The following MTCH1 variants were observed in gnomAD, a reference collection of about 807,000 sequenced individuals.
MTCH1 encodes the protein mitochondrial carrier 1.
Under a neutral mutation model 49.3 loss-of-function variants are expected in MTCH1, and 23 were observed. That is an observed-to-expected ratio of 0.47 (90% CI 0.34 to 0.66). MTCH1 has a LOEUF of 0.66. Ranked by LOEUF, MTCH1 falls within the 30% of genes least tolerant of loss-of-function variation. The pLI, the probability that MTCH1 is intolerant of heterozygous loss-of-function variation, is 0.01. For missense variants in MTCH1, 397 were observed against 532.1 expected (o/e 0.75, Z 2.50); for synonymous variants, 229 against 215.2 (o/e 1.06, Z -0.56).
Position 36,972,987 on chromosome 6 carries a change from G to A in MTCH1, c.762-191C>T, listed in dbSNP as rs1207626392. 6.6e-6 allele frequency among the ~76,000 whole-genome samples: 1 copy of A among 152,102 alleles called. No homozygotes were observed. Among genetic ancestry groups the A allele is most frequent in the Non-Finnish European group, 1.5e-5 (1 of 68,040 alleles). ...GGAAGATAGTGCTCCTTTTCCCATG[G>A]GGAGGTGTTCTATGCCGCTTTGGAT... On this transcript the variant is annotated intron_variant, in intron 7 of 11. Transcript: ENST00000373627. The surrounding 1 kb of genome is among the most constrained non-coding windows in gnomAD (Gnocchi z 4.1).
Position 36,970,428 on chromosome 6 carries a change from GGTCGCCAACTAGCAGGAA to G in MTCH1, c.982_999del (p.Phe328_Asp333del). On this transcript the variant is annotated inframe_deletion, in exon 10 of 12. Coordinates refer to ENST00000373627, the MANE Select transcript of MTCH1 (RefSeq NM_001271641.2). ...TACCCGCAGTTGTTCACAGCCATGA[GGTCGCCAACTAGCAGGAA>G]GGGGTAGGTCAGCATGCTCACTGCA... 6.2e-7 allele frequency: 1 copy of G among 1,614,138 alleles called. No individual in the cohort carries two copies. The highest frequency in any genetic ancestry group is 8.5e-7 in the Non-Finnish European group (1 of 1,180,024).
chr6:36,980,345 A>G (rs1184354386), intron 2 of MTCH1, among the ~76,000 whole-genome samples: 1 of 152,236 alleles, frequency 6.6e-6, no homozygotes, highest in Non-Finnish European at 1.5e-5. Flanking sequence ...CTCAGAACAC[A>G]GCACGTGCAA....
chr6:36,976,054 C>T (rs922212336), intron 6 of MTCH1, among the ~76,000 whole-genome samples: 4 of 152,158 alleles, frequency 2.6e-5, no homozygotes, highest in African/African-American at 9.7e-5. Context: ...TTCTCTTACC[C>T]GGCCCTCACA....
rs73422787 is a variant in MTCH1, at chr6:36,982,548, C to T, written c.322-876G>A. ...GAATACAAGCACCCGCCACCATACCCGGCAAATTTTTTGTATTTTTAGTAG... is the reference window on the plus strand; with the variant it reads ...GAATACAAGCACCCGCCACCATACCTGGCAAATTTTTTGTATTTTTAGTAG... On this transcript the variant is annotated intron_variant, in intron 1 of 11. Coordinates refer to ENST00000373627, the MANE Select transcript of MTCH1 (RefSeq NM_001271641.2). This position sits in a 1 kb window ranked among gnomAD's most constrained non-coding sequence, Gnocchi z 4.1. Among the ~76,000 whole-genome samples, 9 of 152,208 alleles carry T rather than the reference C, an allele frequency of 5.9e-5. No homozygotes were observed. Among genetic ancestry groups the T allele is most frequent in the East Asian group, 1.9e-4 (1 of 5,176 alleles).
rs907492997 is a variant in MTCH1, at chr6:36,977,832, C to G, written c.592-141G>C. 12 of 822,350 alleles carry G rather than the reference C, an allele frequency of 1.5e-5. No homozygotes were observed. Among genetic ancestry groups the G allele is most frequent in the Non-Finnish European group, 2.3e-5 (12 of 512,426 alleles). The allele number at this position is 822,350 out of a possible 1,614,324, so 50.9% of individuals were successfully genotyped here. A position where few individuals can be genotyped will look rare whatever the true frequency, so the allele number is the denominator to read the frequency against. ...GGTCGGTCTGCCAAGGATGGCTCCA[C>G]CTGTTGCCCACTCCCCAGTCCCCCA... On this transcript the variant is annotated intron_variant, in intron 4 of 11. Coordinates refer to ENST00000373627, the MANE Select transcript of MTCH1 (RefSeq NM_001271641.2). The surrounding 1 kb of genome is among the most constrained non-coding windows in gnomAD (Gnocchi z 5.4).
intron 2 of MTCH1, among the ~76,000 whole-genome samples, chr6:36,981,200 C>T (rs1193261791): frequency 6.6e-6 from 1 of 152,170 alleles, no homozygotes; most frequent in Non-Finnish European, 1.5e-5. Flanking sequence ...ACCCCCCGGG[C>T]CTCCTGCTGG....
Position 36,986,195 on chromosome 6 carries a change from TC to T in MTCH1, c.-23del, listed in dbSNP as rs573575577. The T allele has an allele frequency of 3.4e-3, 4,820 of 1,414,052 alleles. 11 individuals are homozygous for T. Among genetic ancestry groups the T allele is most frequent in the Non-Finnish European group, 4.1e-3 (4,523 of 1,092,424 alleles). 87.6% of individuals were successfully genotyped at this position (1,414,052 alleles called of 1,614,324 possible). A position where few individuals can be genotyped will look rare whatever the true frequency, so the allele number is the denominator to read the frequency against. ...CCATGGCGCCCGGCGGCGAGGTCAC[TC>T]CCCGTCACGTGACGGGGCCACGCCC... On this transcript the variant is annotated 5_prime_UTR_variant, in exon 1 of 12. Transcript: ENST00000373627.
At position 36,982,266 on chromosome 6, in the gene MTCH1, C is replaced by G. The variant is rs1055194950; in HGVS notation, c.322-594G>C. Among the ~76,000 whole-genome samples, 7 of 152,320 alleles carry G rather than the reference C, an allele frequency of 4.6e-5. No individual in the cohort carries two copies. The highest frequency in any genetic ancestry group is 6.8e-3 in the Middle Eastern group (2 of 294). On this transcript the variant is annotated intron_variant, in intron 1 of 11. Transcript: ENST00000373627. This position sits in a 1 kb window ranked among gnomAD's most constrained non-coding sequence, Gnocchi z 4.1. ...AGCTACTCCTCAAACATATCCTTAG[C>G]TGCGTTCTCACCTCAATCACCCTAC... is the stretch of plus-strand genomic sequence containing the variant.
chr6:36,968,829 T>C lies in MTCH1; in HGVS notation c.*74A>G, dbSNP rs1216410192. 1.2e-6 allele frequency: 2 copies of C among 1,606,508 alleles called. No individual in the cohort carries two copies. The highest frequency in any genetic ancestry group is 2.7e-5 in the African/African-American group (2 of 74,864). ...TGGTTGTTGTTGGGTTGGAGTCGTC[T>C]TGCAGGTGTCCCAAGGTGGTCAGGC... is the stretch of plus-strand genomic sequence containing the variant. On this transcript the variant is annotated 3_prime_UTR_variant, in exon 12 of 12. Coordinates refer to ENST00000373627, the MANE Select transcript of MTCH1 (RefSeq NM_001271641.2).
At position 36,970,662 on chromosome 6, in the gene MTCH1, G is replaced by A; in HGVS notation, c.939C>T (p.Thr313=). ...FSQALAIRSY[T]KFVMGIAVSM... Reference sequence around the variant, plus strand: ...CACAACTTACCCCCATCACGAACTTGGTATAGCTCCGGATGGCCAGGGCCT... The same window carrying A: ...CACAACTTACCCCCATCACGAACTTAGTATAGCTCCGGATGGCCAGGGCCT... The change falls in exon 9 of 12, where the codon ACC becomes ACT. Residue 313 remains threonine (T), a synonymous_variant. Coordinates refer to ENST00000373627, the MANE Select transcript of MTCH1 (RefSeq NM_001271641.2). 1 of 1,614,184 alleles carries A rather than the reference G, an allele frequency of 6.2e-7. No homozygotes were observed. Among genetic ancestry groups the A allele is most frequent in the Non-Finnish European group, 8.5e-7 (1 of 1,180,040 alleles).
chr6:36,972,752 C>A lies in MTCH1; in HGVS notation c.806G>T (p.Gly269Val). ...HLLGDVVFLW[G>V]CNLLAHFINA... ...GATGAAGTGGGCCAGCAGGTTACAG[C>A]CCCACAAGAAAACCACATCGCCCAG... is the stretch of plus-strand genomic sequence containing the variant. The change falls in exon 8 of 12, where the codon GGC becomes GTC. Residue 269 changes from glycine to valine, a missense_variant. Gly to Val is a moderately radical substitution (Grantham distance 109). Around this residue, in one of 2 missense-constraint regions of MTCH1, gnomAD observed 252 missense variants for 388.3 expected, o/e 0.65. Coordinates refer to ENST00000373627, the MANE Select transcript of MTCH1 (RefSeq NM_001271641.2). The surrounding 1 kb of genome is among the most constrained non-coding windows in gnomAD (Gnocchi z 4.1). The A allele has an allele frequency of 6.4e-7, 1 of 1,553,616 alleles. No individual in the cohort carries two copies. Among genetic ancestry groups the A allele is most frequent in the Non-Finnish European group, 8.7e-7 (1 of 1,147,884 alleles).
chr6:36,970,147 C>T, intron 10 of MTCH1, 33 bp from the exon 11 acceptor site: 1 of 1,603,454 alleles, frequency 6.2e-7, no homozygotes, highest in Non-Finnish European at 8.5e-7. Flanking sequence ...ATGCAGAGAA[C>T]AGTGGAAGAC....
chr6:36,970,246 A>G (rs1343078689), intron 10 of MTCH1, 132 bp from the exon 11 acceptor site: 7 of 1,419,138 alleles, frequency 4.9e-6, no homozygotes, highest in Non-Finnish European at 6.8e-6. Context: ...AGTTTACCCC[A>G]GGGGGTGCTG....
Position 36,978,875 on chromosome 6 carries a change from CTTTTTTTTTT to C in MTCH1, c.407-274_407-265del, listed in dbSNP as rs11322816. On this transcript the variant is annotated intron_variant, in intron 2 of 11. Coordinates refer to ENST00000373627, the MANE Select transcript of MTCH1 (RefSeq NM_001271641.2). ...TCTTCCTTCCTTCCCTCCCTCCCTC[CTTTTTTTTTT>C]TTTTTTTTTTTTTGCTTTAAAAACT... Among the ~76,000 whole-genome samples, 23 of 100,420 alleles carry C rather than the reference CTTTTTTTTTT, an allele frequency of 2.3e-4. No individual in the cohort carries two copies. In the East Asian group the frequency reaches 5.3e-3, roughly 23 times the overall value. 65.9% of individuals were successfully genotyped at this position (100,420 alleles called of 152,430 possible).
At position 36,985,844 on chromosome 6, in the gene MTCH1, G is replaced by C; in HGVS notation, c.321+9C>G. 6.4e-7 allele frequency: 1 copy of C among 1,553,044 alleles called. No homozygotes were observed. The highest frequency in any genetic ancestry group is 8.7e-7 in the Non-Finnish European group (1 of 1,148,316). ...CTCCCATCTCCCTACGGCGCCTCTG[G>C]TCCCCCACCTGGATGAGCAGCTTCA... is the stretch of plus-strand genomic sequence containing the variant. On this transcript the variant is annotated intron_variant, in intron 1 of 11. Transcript: ENST00000373627.
chr6:36,977,612 CG>C lies in MTCH1; in HGVS notation c.649+21del. On this transcript the variant is annotated intron_variant, in intron 5 of 11. Transcript: ENST00000373627. This position sits in a 1 kb window ranked among gnomAD's most constrained non-coding sequence, Gnocchi z 5.4. ...CCCGACGCCAGCTTAGATACAGTCT[CG>C]GGGGAAGGGGGGTGGCTTACCATGC... The C allele has an allele frequency of 1.3e-6, 2 of 1,559,860 alleles. No homozygotes were observed. The highest frequency in any genetic ancestry group is 1.8e-6 in the Non-Finnish European group (2 of 1,136,600).
chr6:36,972,003 T>C lies in MTCH1; in HGVS notation c.906+649A>G, dbSNP rs781725968. 1.3e-5 allele frequency among the ~76,000 whole-genome samples: 2 copies of C among 152,188 alleles called. No individual in the cohort carries two copies. Among genetic ancestry groups the C allele is most frequent in the Admixed American group, 6.5e-5 (1 of 15,286 alleles). On this transcript the variant is annotated intron_variant, in intron 8 of 11. Transcript: ENST00000373627. The surrounding 1 kb of genome is among the most constrained non-coding windows in gnomAD (Gnocchi z 4.1). ...CTGACCCGACCTGCTGAAAGGTCTA[T>C]GTATACTAGGCTGTGTAGACCACAG...
intron 8 of MTCH1, 129 bp from the exon 9 acceptor site, chr6:36,970,823 G>T: frequency 1.9e-6 from 2 of 1,055,786 alleles, no homozygotes; most frequent in Non-Finnish European, 2.8e-6. Context: ...TTTCCTGTCA[G>T]CCCTCACAGT....
intron 2 of MTCH1, among the ~76,000 whole-genome samples, chr6:36,981,268 G>C (rs1561910926): frequency 6.6e-6 from 1 of 152,178 alleles, no homozygotes; most frequent in Non-Finnish European, 1.5e-5. Flanking sequence ...GCATGTTCCA[G>C]GCACAACCCG....
Sources: gnomAD v4.1 joint callset for allele counts (sites outside exome capture counted in the v4.1 genomes callset) on GRCh38, gnomAD v4.1.1 for gene constraint, gnomAD v4.1.1 regional missense constraint, Gnocchi (gnomAD v3.1) non-coding constraint, MANE v1.5 for transcripts, NCBI Gene and HGNC (gene_info 2026-07-23, HGNC 2026-07-21) for gene names.